The following PAH variants were observed in gnomAD, a reference collection of about 807,000 sequenced individuals.
PAH encodes phenylalanine-4-hydroxylase.
Under a neutral mutation model 62.0 loss-of-function variants are expected in PAH, and 64 were observed. The observed-to-expected ratio is 1.03, with a 90% CI of 0.84 to 1.27. The LOEUF (loss-of-function observed/expected upper bound fraction) is 1.27. PAH is among the 50% of genes most tolerant of loss of function. The pLI, the probability that PAH is intolerant of heterozygous loss-of-function variation, is 0.00. For synonymous variants in PAH, 195 were observed against 196.2 expected, an observed-to-expected ratio of 0.99 and a Z score of 0.05; for missense variants, 579 against 542.8, an observed-to-expected ratio of 1.07 and a Z score of -0.66.
In PAH at chr12:102,941,066, A is replaced by C. The variant is rs532983964; in HGVS notation, c.-96+9523T>G. Among the ~76,000 whole-genome samples the C allele has an allele frequency of 2.6e-5, 4 of 152,296 alleles. No individual in the cohort carries two copies. In the South Asian group the frequency reaches 8.3e-4, roughly 32 times the overall value. On this transcript the variant is annotated intron_variant, in intron 1 of 3. Coordinates refer to the PAH transcript ENST00000546844. ...TTCCAACCAAGAATTTTATATCCAGACCAACTAAACTTCAAAAGTAAAGGA... is the reference window on the plus strand; with the variant it reads ...TTCCAACCAAGAATTTTATATCCAGCCCAACTAAACTTCAAAAGTAAAGGA...
At chr12:102,863,983 A>G (rs1875840596) in intron 5 of PAH, among the ~76,000 whole-genome samples, 1 of 152,068 alleles carries the variant, frequency 6.6e-6, no homozygotes, top group Non-Finnish European at 1.5e-5. Flanking sequence ...ACCATTTTGA[A>G]TCTTTACTTT....
chr12:102,935,010 C>T (rs145062919), intron 1 of PAH, among the ~76,000 whole-genome samples: 25 of 152,214 alleles, frequency 1.6e-4, no homozygotes, highest in African/African-American at 5.5e-4. Flanking sequence ...TTTCCCCATT[C>T]AGCATGACCC....
intron 8 of PAH, 60 bp from the exon 9 acceptor site, chr12:102,847,011 C>A: frequency 1.4e-6 from 2 of 1,429,738 alleles, no homozygotes; most frequent in Non-Finnish European, 9.9e-7. Flanking sequence ...CAGAACCAAC[C>A]TAGTACTTGG....
chr12:102,890,175 A>C (rs535727003), intron 3 of PAH, among the ~76,000 whole-genome samples: 30 of 152,348 alleles, frequency 2.0e-4, no homozygotes, highest in Non-Finnish European at 3.7e-4. Flanking sequence ...TGAATGGTTT[A>C]AAAACTAGAG....
chr12:102,945,840 T>C (rs1448756046), intron 1 of PAH: 2 of 152,174 alleles, frequency 1.3e-5, no homozygotes, highest in Non-Finnish European at 2.9e-5. Flanking sequence ...CCCTTTATTC[T>C]TCCCCCTCTG....
intron 11 of PAH, among the ~76,000 whole-genome samples, chr12:102,841,748 CCTT>C (rs1390141001): frequency 2.0e-5 from 3 of 152,196 alleles, no homozygotes; most frequent in Non-Finnish European, 2.9e-5. Flanking sequence ...ACCTCTTCCT[CCTT>C]CTTCCCATAA....
At chr12:102,878,011 A>G (rs970597878) in intron 3 of PAH, among the ~76,000 whole-genome samples, 1 of 152,128 alleles carries the variant, frequency 6.6e-6, no homozygotes, top group Non-Finnish European at 1.5e-5. Flanking sequence ...GTTTAGGTAG[A>G]GGCAGAGTTC....
intron 5 of PAH, among the ~76,000 whole-genome samples, chr12:102,856,156 C>T (rs1875417965): frequency 6.6e-6 from 1 of 150,996 alleles, no homozygotes; most frequent in South Asian, 2.1e-4. Flanking sequence ...TAAATCCATG[C>T]TAAGGTATAA....
At chr12:102,908,865 G>A (rs960321194) in intron 2 of PAH, among the ~76,000 whole-genome samples, 2 of 122,760 alleles carry the variant, frequency 1.6e-5, no homozygotes, top group Non-Finnish European at 1.6e-5. Flanking sequence ...TTTTGAGACA[G>A]AGTTTCACTC....
intron 11 of PAH, among the ~76,000 whole-genome samples, 171 bp from the exon 12 acceptor site, chr12:102,840,686 T>C (rs1409756134): frequency 6.6e-6 from 1 of 152,180 alleles, no homozygotes; most frequent in East Asian, 1.9e-4. Flanking sequence ...ATGAGTCTTC[T>C]TGGGAAGCCT....
intron 4 of PAH, among the ~76,000 whole-genome samples, chr12:102,867,974 T>TATATAC (rs1346836852): frequency 3.3e-4 from 40 of 119,516 alleles, no homozygotes; most frequent in African/African-American, 5.1e-4. Context: ...TATATACATG[T>TATATAC]ATATATAGAT....
At position 102,843,756 on chromosome 12, in the gene PAH, CTT is replaced by C. The variant is rs199475667; in HGVS notation, c.1087_1088del (p.Lys363AlafsTer30). ...ELQYCLSEKPKLLPLELEKTA... is the reference protein window; with the variant it reads ...ELQYCLSEKPXLLPLELEKTA... Reference sequence around the variant, plus strand: ...TCTTCTCCAGCTCCAGGGGGAGAAGCTTTGGCTTCTCTGATAAGCAGTACTGT... The same window carrying C: ...TCTTCTCCAGCTCCAGGGGGAGAAGCTGGCTTCTCTGATAAGCAGTACTGT... On this transcript the variant is annotated frameshift_variant, in exon 11 of 13. Coordinates refer to ENST00000553106, the MANE Select transcript of PAH (RefSeq NM_000277.3). LOFTEE classifies it high-confidence loss of function. 6.2e-7 allele frequency: 1 copy of C among 1,613,818 alleles called. No homozygotes were observed. Among genetic ancestry groups the C allele is most frequent in the Non-Finnish European group, 8.5e-7 (1 of 1,179,828 alleles).
intron 1 of PAH, among the ~76,000 whole-genome samples, chr12:102,944,265 T>A (rs1490560466): frequency 6.6e-6 from 1 of 152,222 alleles, no homozygotes; most frequent in Non-Finnish European, 1.5e-5. Context: ...ATCTGCTTAA[T>A]GTTCTATAAT....
intron 8 of PAH, among the ~76,000 whole-genome samples, chr12:102,848,355 A>T (rs1319251953): frequency 9.2e-6 from 1 of 108,844 alleles, no homozygotes; most frequent in Non-Finnish European, 1.8e-5. Context: ...AGGAGACTGA[A>T]GAGGTGGAGG....
chr12:102,917,220 C>T lies in PAH; in HGVS notation c.-90G>A. 2 of 1,083,902 alleles carry T rather than the reference C, an allele frequency of 1.8e-6. No homozygotes were observed. Among genetic ancestry groups the T allele is most frequent in the Non-Finnish European group, 2.8e-6 (2 of 703,478 alleles). The allele number at this position is 1,083,902 out of a possible 1,614,324, so 67.1% of individuals were successfully genotyped here. On this transcript the variant is annotated 5_prime_UTR_variant, in exon 1 of 13. Coordinates refer to ENST00000553106, the MANE Select transcript of PAH (RefSeq NM_000277.3). The stretch of plus-strand genomic sequence containing the variant: ...AGCACGTGGGGCTGAAGGTTTTAAC[C>T]TCGCACTAGGGAGGAGAAGAGAGTT...
At chr12:102,924,583 C>G (rs1565877472) in intron 1 of PAH, among the ~76,000 whole-genome samples, 1 of 152,126 alleles carries the variant, frequency 6.6e-6, no homozygotes, top group Non-Finnish European at 1.5e-5. Context: ...TTACAGAGAA[C>G]ATCTCCATCT....
intron 5 of PAH, among the ~76,000 whole-genome samples, chr12:102,859,949 A>G (rs796260800): frequency 2.6e-5 from 4 of 152,344 alleles, no homozygotes; most frequent in African/African-American, 7.2e-5. Flanking sequence ...CACTACTCCT[A>G]TTCAACATAG....
intron 4 of PAH, among the ~76,000 whole-genome samples, chr12:102,871,952 ATATATATATAT>A (rs1876362797): frequency 4.6e-5 from 1 of 21,612 alleles, no homozygotes; most frequent in African/African-American, 1.9e-4. Context: ...AAAAAAAAAT[ATATATATATAT>A]ATATATATAT....
At chr12:102,937,275 T>C (rs1879135381) in intron 1 of PAH, among the ~76,000 whole-genome samples, 1 of 152,224 alleles carries the variant, frequency 6.6e-6, no homozygotes, top group Non-Finnish European at 1.5e-5. Context: ...AAGTAAGGAC[T>C]TACTCCTGCC....
Sources: allele counts gnomAD v4.1 joint callset (sites outside exome capture counted in the v4.1 genomes callset), GRCh38; gene constraint gnomAD v4.1.1; transcripts MANE v1.5; gene names NCBI Gene and HGNC (gene_info 2026-07-23, HGNC 2026-07-21).